The following ADPRHL1 variants were observed in gnomAD, a reference collection of about 807,000 sequenced individuals.
The protein encoded by ADPRHL1 is ADP-ribosylhydrolase like 1, also known as inactive ADP-ribosyltransferase ARH2.
Under a neutral mutation model 44.1 loss-of-function variants are expected in ADPRHL1, and 43 were observed. That is an observed-to-expected ratio of 0.98 (90% confidence interval 0.76 to 1.26). ADPRHL1 has a LOEUF of 1.26. ADPRHL1 is among the 50% of genes most tolerant of loss of function. ADPRHL1 has a pLI of 0.00. For synonymous variants in ADPRHL1, 878 were observed against 1,017.4 expected (o/e 0.86, Z 2.61); for missense variants, 2,022 against 2,496.9 (o/e 0.81, Z 4.05).
intron 2 of ADPRHL1, among the ~76,000 whole-genome samples, chr13:113,438,355 C>G (rs1260561903): frequency 6.6e-6 from 1 of 152,138 alleles, no homozygotes; most frequent in Non-Finnish European, 1.5e-5. Flanking sequence ...ATTGTCCACC[C>G]ATATATCTTC....
chr13:113,416,757 T>C (rs754463307), intron 7 of ADPRHL1, among the ~76,000 whole-genome samples: 10 of 152,234 alleles, frequency 6.6e-5, no homozygotes, highest in Non-Finnish European at 1.5e-4. Flanking sequence ...AAGGTTAAAT[T>C]CCGATTTTGA....
intron 1 of ADPRHL1, among the ~76,000 whole-genome samples, chr13:113,448,320 C>G (rs2044155844): frequency 1.3e-5 from 2 of 151,682 alleles, no homozygotes; most frequent in African/African-American, 2.4e-5. Context: ...TAGTGAAACC[C>G]CCGTCTCTAC....
intron 2 of ADPRHL1, among the ~76,000 whole-genome samples, chr13:113,440,927 C>T (rs560511279): frequency 1.5e-3 from 221 of 152,042 alleles, no homozygotes; most frequent in African/African-American, 4.8e-3. Context: ...CCAAGGTGGG[C>T]GGATCACTTG....
intron 7 of ADPRHL1, among the ~76,000 whole-genome samples, chr13:113,418,062 T>C (rs1276958099): frequency 9.9e-5 from 15 of 152,120 alleles, no homozygotes; most frequent in Non-Finnish European, 1.9e-4. Context: ...GCTGTGGTGG[T>C]GGTGAGGTCT....
Position 113,404,897 on chromosome 13 carries a change from C to T in ADPRHL1, c.4385G>A (p.Gly1462Asp). Residue 1462 changes from glycine to aspartate, a missense_variant, in exon 8 of 8, where the codon GGC (glycine) becomes GAC (aspartate). Physicochemically the swap from Gly to Asp is moderately conservative, Grantham distance 94. Coordinates refer to ENST00000612156, the MANE Select transcript of ADPRHL1 (RefSeq NM_001394807.1). ...AGCTGGGTTCCTGGCAGCCCTGGTG[C>T]CCTCTCCCCACGCCGTGCTCCGCCC... is the stretch of plus-strand genomic sequence containing the variant. The part of the protein sequence containing the change: ...ERGRSTAWGE[G>D]TRAARNPAVP... 8.0e-7 allele frequency: 1 copy of T among 1,245,964 alleles called. No individual in the cohort carries two copies. The highest frequency in any genetic ancestry group is 1.0e-6 in the Non-Finnish European group (1 of 997,424). 77.2% of individuals were successfully genotyped at this position (1,245,964 alleles called of 1,614,324 possible). A position where few individuals can be genotyped will look rare whatever the true frequency, so the allele number is the denominator to read the frequency against.
intron 2 of ADPRHL1, among the ~76,000 whole-genome samples, chr13:113,438,346 T>C (rs1477006297): frequency 2.0e-5 from 3 of 152,220 alleles, no homozygotes; most frequent in Admixed American, 6.5e-5. Flanking sequence ...TTTGTGCTTA[T>C]TGTCCACCCA....
At position 113,403,372 on chromosome 13, in the gene ADPRHL1, G is replaced by A. The variant is rs747201607; in HGVS notation, c.*6C>T. ...GCTGGGCGAGCCACGGTGTGTACTC[G>A]GGGCCTCACTTTGGGAGCTCAGACG... On this transcript the variant is annotated 3_prime_UTR_variant, in exon 8 of 8. Coordinates refer to ENST00000612156, the MANE Select transcript of ADPRHL1 (RefSeq NM_001394807.1). 19 of 1,231,792 alleles carry A rather than the reference G, an allele frequency of 1.5e-5. No individual in the cohort carries two copies. Among genetic ancestry groups the A allele is most frequent in the South Asian group, 1.2e-4 (3 of 24,292 alleles). 76.3% of individuals were successfully genotyped at this position (1,231,792 alleles called of 1,614,324 possible).
At chr13:113,429,641 G>T (rs1442952386) in intron 3 of ADPRHL1, among the ~76,000 whole-genome samples, 3 of 152,270 alleles carry the variant, frequency 2.0e-5, no homozygotes, top group Non-Finnish European at 4.4e-5. Context: ...CGTGGCCGGG[G>T]ATTATCAGTT....
intron 3 of ADPRHL1, 82 bp downstream of exon 3, chr13:113,433,660 C>A (rs2044023249): frequency 1.1e-5 from 16 of 1,464,930 alleles, no homozygotes; most frequent in African/African-American, 1.4e-5. Context: ...GCCCCCCACC[C>A]CACACTTAAC....
At chr13:113,411,989 C>A (rs2043855694) in intron 7 of ADPRHL1, among the ~76,000 whole-genome samples, 1 of 152,196 alleles carries the variant, frequency 6.6e-6, no homozygotes, top group Admixed American at 6.5e-5. Context: ...CCCCGCCCCT[C>A]GTGGTAGCCC....
In ADPRHL1 at chr13:113,409,307, C is replaced by T; in HGVS notation, c.1062-1087G>A. ...GGGGGTGGAGCCGTCTCTGACCTCC[C>T]CAGATGATAATTTTGGGTAGACGCA... On this transcript the variant is annotated intron_variant, in intron 7 of 7. Coordinates refer to ENST00000612156, the MANE Select transcript of ADPRHL1 (RefSeq NM_001394807.1). The surrounding 1 kb of genome is among the most constrained non-coding windows in gnomAD (Gnocchi z 4.2). The T allele has an allele frequency of 1.0e-6, 1 of 985,358 alleles. No individual in the cohort carries two copies. The highest frequency in any genetic ancestry group is 1.2e-6 in the Non-Finnish European group (1 of 829,926). 61.0% of individuals were successfully genotyped at this position (985,358 alleles called of 1,614,324 possible).
chr13:113,428,803 C>G, intron 4 of ADPRHL1, 149 bp downstream of exon 4: 2 of 1,268,216 alleles, frequency 1.6e-6, no homozygotes, highest in Admixed American at 4.8e-5. Context: ...GCCTGCCTTG[C>G]GAGGCCAGCT....
chr13:113,437,617 C>T (rs1311207944), intron 2 of ADPRHL1, among the ~76,000 whole-genome samples: 1 of 152,214 alleles, frequency 6.6e-6, no homozygotes, highest in African/African-American at 2.4e-5. Context: ...GAGAAGCGCC[C>T]ACGTTGTTGG....
intron 1 of ADPRHL1, among the ~76,000 whole-genome samples, chr13:113,450,741 A>T (rs1206879565): frequency 6.6e-6 from 1 of 152,140 alleles, no homozygotes; most frequent in Non-Finnish European, 1.5e-5. Context: ...TGATAGTACT[A>T]ATTTTTCACT....
rs370971971 is a variant in ADPRHL1, at chr13:113,433,694, C to A, written c.505+48G>T. 5 of 1,535,788 alleles carry A rather than the reference C, an allele frequency of 3.3e-6. No individual in the cohort carries two copies. In the East Asian group the frequency reaches 9.7e-5, roughly 30 times the overall value. On this transcript the variant is annotated intron_variant, in intron 3 of 7. Coordinates refer to ENST00000612156, the MANE Select transcript of ADPRHL1 (RefSeq NM_001394807.1). ...ACCTGTGAGGTGGTTGTGGGTCATC[C>A]GGCCGCACTCCACGCTGACCTCCCT...
rs1363485653 is a variant in ADPRHL1, at chr13:113,429,532, G to A, written c.506-440C>T. Among the ~76,000 whole-genome samples, 3 of 152,274 alleles carry A rather than the reference G, an allele frequency of 2.0e-5. No homozygotes were observed. In the East Asian group the frequency reaches 5.8e-4, roughly 29 times the overall value. ...GCGGCTGAATCGCATTCCGTGCGTG[G>A]ACGAACGCATTTTGATTGCCCGTCA... On this transcript the variant is annotated intron_variant, in intron 3 of 7. Coordinates refer to ENST00000612156, the MANE Select transcript of ADPRHL1 (RefSeq NM_001394807.1).
chr13:113,422,505 A>G (rs1191351198), intron 7 of ADPRHL1: 1 of 283,874 alleles, frequency 3.5e-6, no homozygotes, highest in Non-Finnish European at 6.7e-6. Context: ...AGTAAACAGC[A>G]TTAGCTCTGC....
In ADPRHL1 at chr13:113,453,193, C is replaced by T. The variant is rs752281449; in HGVS notation, c.214+31G>A. 3.3e-5 allele frequency: 53 copies of T among 1,610,282 alleles called. No homozygotes were observed. The highest frequency in any genetic ancestry group is 7.7e-5 in the South Asian group (7 of 90,962). ...CGAGCAGCCAGTGTTCCCTCCAGCCCGCACACCGGAGCGCGGTGGGCCCAG... is the reference window on the plus strand; with the variant it reads ...CGAGCAGCCAGTGTTCCCTCCAGCCTGCACACCGGAGCGCGGTGGGCCCAG... On this transcript the variant is annotated intron_variant, in intron 1 of 7. Transcript: ENST00000612156. The surrounding 1 kb of genome is among the most constrained non-coding windows in gnomAD (Gnocchi z 5.4).
chr13:113,444,312 C>T (rs1566481700), intron 2 of ADPRHL1, 113 bp downstream of exon 2: 1 of 1,397,806 alleles, frequency 7.2e-7, no homozygotes, highest in Non-Finnish European at 9.8e-7. Context: ...CTAGGCAGAT[C>T]CGGCCTCACT....
Sources: allele counts gnomAD v4.1 joint callset (sites outside exome capture counted in the v4.1 genomes callset), GRCh38; gene constraint gnomAD v4.1.1; non-coding constraint Gnocchi (gnomAD v3.1); transcripts MANE v1.5; gene names NCBI Gene and HGNC (gene_info 2026-07-23, HGNC 2026-07-21).